The following NRG1 variants were observed in gnomAD, a reference collection of about 807,000 sequenced individuals.
The protein encoded by NRG1 is neuregulin 1.
A neutral mutation model predicts 63.8 loss-of-function variants in NRG1; 18 were observed. That is an observed-to-expected ratio of 0.28 (90% CI 0.19 to 0.42). The LOEUF (loss-of-function observed/expected upper bound fraction) is 0.42. Ranked by LOEUF, NRG1 falls within the 10% of genes least tolerant of loss-of-function variation. The pLI, the probability that NRG1 is intolerant of heterozygous loss-of-function variation, is 1.00. For synonymous variants in NRG1, 302 were observed against 301.3 expected, an observed-to-expected ratio of 1.00 and a Z score of -0.02; for missense variants, 762 against 814.7, an observed-to-expected ratio of 0.94 and a Z score of 0.79.
intron 1 of NRG1, among the ~76,000 whole-genome samples, chr8:32,507,882 G>A (rs1228816473): frequency 1.3e-5 from 2 of 152,136 alleles, no homozygotes; most frequent in African/African-American, 4.8e-5. Flanking sequence ...ATTTTTAGTA[G>A]AGATGGGGTT....
intron 1 of NRG1, among the ~76,000 whole-genome samples, chr8:31,884,009 T>A (rs755213870): frequency 2.6e-5 from 4 of 152,104 alleles, no homozygotes; most frequent in Non-Finnish European, 5.9e-5. Context: ...TGTTTCTGCA[T>A]GTAACAGTTG....
chr8:32,064,007 A>G (rs1361141215), intron 1 of NRG1, among the ~76,000 whole-genome samples: 1 of 152,048 alleles, frequency 6.6e-6, no homozygotes, highest in Non-Finnish European at 1.5e-5. Context: ...CCAGGGTGAG[A>G]AACCTAAGTG....
chr8:32,070,832 A>C (rs1172694098), intron 1 of NRG1, among the ~76,000 whole-genome samples: 1 of 152,144 alleles, frequency 6.6e-6, no homozygotes, highest in Non-Finnish European at 1.5e-5. Context: ...TGCATTTACT[A>C]TCCAAATCTG....
At chr8:31,996,044 A>G (rs1335039769) in intron 1 of NRG1, among the ~76,000 whole-genome samples, 1 of 149,896 alleles carries the variant, frequency 6.7e-6, no homozygotes, top group Non-Finnish European at 1.5e-5. Context: ...CACGGTGCCC[A>G]TTTCTTCTTC....
intron 5 of NRG1, among the ~76,000 whole-genome samples, chr8:32,627,294 A>G (rs1849469680): frequency 6.6e-6 from 1 of 152,156 alleles, no homozygotes; most frequent in South Asian, 2.1e-4. Flanking sequence ...AGTTTGGGGA[A>G]CTTTCTGAAA....
chr8:32,199,482 G>T (rs1843283771), intron 1 of NRG1, among the ~76,000 whole-genome samples: 1 of 152,008 alleles, frequency 6.6e-6, no homozygotes, highest in Non-Finnish European at 1.5e-5. Context: ...TCTCCATTTA[G>T]AATATTTTTC....
intron 1 of NRG1, among the ~76,000 whole-genome samples, chr8:32,282,382 C>A (rs1439668560): frequency 1.3e-5 from 2 of 152,170 alleles, no homozygotes; most frequent in African/African-American, 4.8e-5. Context: ...GGCTGACAGC[C>A]AACAGAAGGG....
chr8:31,979,052 T>C (rs1330469508), intron 1 of NRG1, among the ~76,000 whole-genome samples: 1 of 152,164 alleles, frequency 6.6e-6, no homozygotes, highest in Non-Finnish European at 1.5e-5. Context: ...TTCAAGGTCT[T>C]CCCAGAGAGG....
intron 1 of NRG1, among the ~76,000 whole-genome samples, chr8:32,355,283 A>T (rs1806219551): frequency 6.6e-6 from 1 of 151,866 alleles, no homozygotes; most frequent in African/African-American, 2.4e-5. Flanking sequence ...ACGTGATGAA[A>T]CCCCATCTCT....
chr8:32,755,883 C>G (rs1048136995), intron 8 of NRG1, among the ~76,000 whole-genome samples: 4 of 152,002 alleles, frequency 2.6e-5, no homozygotes, highest in Admixed American at 2.0e-4. Flanking sequence ...GCTGGGACGA[C>G]AGGTGCACGC....
chr8:32,685,962 G>A (rs1241201501), intron 5 of NRG1, among the ~76,000 whole-genome samples: 4 of 152,130 alleles, frequency 2.6e-5, no homozygotes, highest in African/African-American at 4.8e-5. Flanking sequence ...TCTAATTTTT[G>A]GAATACGTAG....
intron 1 of NRG1, among the ~76,000 whole-genome samples, chr8:32,290,430 C>T (rs1172484209): frequency 1.3e-5 from 2 of 151,530 alleles, no homozygotes; most frequent in Admixed American, 1.3e-4. Flanking sequence ...AGATGGTTAC[C>T]CATGAAGGAA....
At chr8:32,579,274 T>G (rs1348042529) in intron 1 of NRG1, among the ~76,000 whole-genome samples, 1 of 148,848 alleles carries the variant, frequency 6.7e-6, no homozygotes, top group Non-Finnish European at 1.5e-5. Flanking sequence ...ATATAAAAAT[T>G]AGGTCGGTAA....
intron 1 of NRG1, among the ~76,000 whole-genome samples, chr8:32,240,913 A>G (rs760845629): frequency 9.9e-5 from 15 of 152,074 alleles, no homozygotes; most frequent in African/African-American, 1.7e-4. Context: ...AGCTTAGTCA[A>G]TGAGAAAATG....
At chr8:32,223,897 G>A (rs914045471) in intron 1 of NRG1, among the ~76,000 whole-genome samples, 2 of 152,160 alleles carry the variant, frequency 1.3e-5, no homozygotes, top group Admixed American at 1.3e-4. Flanking sequence ...AGAGGGAGAA[G>A]AGAAAATAAG....
chr8:32,295,954 AAAG>A (rs200035366), intron 1 of NRG1, among the ~76,000 whole-genome samples: 7,484 of 150,612 alleles, frequency 0.05, 230 homozygotes, highest in Non-Finnish European at 0.065. Context: ...AAAAAAAAAA[AAAG>A]AGAGAGAGAG....
At chr8:32,093,227 A>G (rs1249564866) in intron 1 of NRG1, among the ~76,000 whole-genome samples, 1 of 152,114 alleles carries the variant, frequency 6.6e-6, no homozygotes, top group South Asian at 2.1e-4. Context: ...TCAAAGTTTA[A>G]TGGATTTAGG....
At chr8:32,100,690 TGCTAAAA>T (rs1830459733) in intron 1 of NRG1, among the ~76,000 whole-genome samples, 1 of 152,126 alleles carries the variant, frequency 6.6e-6, no homozygotes, top group Non-Finnish European at 1.5e-5. Context: ...CTAATGACAA[TGCTAAAA>T]GCTAAAAGGC....
intron 1 of NRG1, among the ~76,000 whole-genome samples, chr8:32,241,719 A>T (rs1693079509): frequency 8.2e-6 from 1 of 122,092 alleles, no homozygotes; most frequent in South Asian, 2.6e-4. Flanking sequence ...TCCTGGGCAG[A>T]GCAGTGTAAT....
Sources: gnomAD v4.1 joint callset for allele counts (sites outside exome capture counted in the v4.1 genomes callset) on GRCh38, gnomAD v4.1.1 for gene constraint, MANE v1.5 for transcripts, NCBI Gene and HGNC (gene_info 2026-07-23, HGNC 2026-07-21) for gene names.